Variants in SRGAP3 observed in about 807,000 individuals in gnomAD.
The protein encoded by SRGAP3 is SLIT-ROBO Rho GTPase activating protein 3, also known as SLIT-ROBO Rho GTPase-activating protein 3.
SRGAP3 carries 39 observed loss-of-function variants against 121.1 expected under a neutral mutation model. The observed-to-expected ratio is 0.32, with a 90% CI of 0.25 to 0.42. The LOEUF is 0.42. Among genes scored for constraint, SRGAP3 ranks in the 10% least tolerant of loss-of-function variants. The probability of loss-of-function intolerance (pLI) is 1.00; values close to 1 mark genes in which losing one functional copy is unlikely to be tolerated. For missense variants in SRGAP3, 1,213 were observed against 1,470.6 expected (o/e 0.82, Z 2.86); for synonymous variants, 601 against 570.0 (o/e 1.05, Z -0.77).
chr3:9,160,856 T>A (rs541531295), intron 1 of SRGAP3, among the ~76,000 whole-genome samples: 1 of 152,230 alleles, frequency 6.6e-6, no homozygotes, highest in Admixed American at 6.5e-5. Flanking sequence ...ATTTTAAAAT[T>A]TAGAAAAATA....
rs138044468 is a variant in SRGAP3, at chr3:9,027,029, C to T, written c.1540-34G>A. The T allele has an allele frequency of 4.6e-4, 743 of 1,600,004 alleles. 5 individuals carry two copies. The African/African-American group carries it at 7.9e-3, about 17-fold the overall frequency. On this transcript the variant is annotated intron_variant, in intron 12 of 21. Transcript: ENST00000383836. ...AAGAAAAATTGTGAGTTTTATGGGGCTTGACAACCACCACAGGAAAAAGAC... is the reference window on the plus strand; with the variant it reads ...AAGAAAAATTGTGAGTTTTATGGGGTTTGACAACCACCACAGGAAAAAGAC...
chr3:9,265,494 C>T (rs771606785), intron 3 of SRGAP3, among the ~76,000 whole-genome samples: 1 of 151,998 alleles, frequency 6.6e-6, no homozygotes, highest in Non-Finnish European at 1.5e-5. Flanking sequence ...GGGCTAATAT[C>T]CAGAATCTAC....
chr3:9,347,347 G>A lies in SRGAP3; in HGVS notation n.214+15493C>T, dbSNP rs568624642. 5.3e-5 allele frequency among the ~76,000 whole-genome samples: 8 copies of A among 152,302 alleles called. No individual in the cohort carries two copies. In the East Asian group the frequency reaches 5.8e-4, roughly 11 times the overall value. On this transcript the variant is annotated intron_variant and non_coding_transcript_variant, in intron 1 of 3. Coordinates refer to the SRGAP3 transcript ENST00000490889. ...GGCTGGTGAGTAGGCATACATCTAT[G>A]TATAATTTTTTAAATGATAATTTTT...
intron 1 of SRGAP3, among the ~76,000 whole-genome samples, chr3:9,204,290 GAC>G (rs1043777119): frequency 1.4e-4 from 22 of 152,238 alleles, no homozygotes; most frequent in Non-Finnish European, 2.6e-4. Context: ...TCAGGGCCTG[GAC>G]ACACAGCCCT....
At chr3:9,320,199 C>T (rs73811468) in intron 3 of SRGAP3, among the ~76,000 whole-genome samples, 8,183 of 151,896 alleles carry the variant, frequency 0.054, 745 homozygotes, top group African/African-American at 0.18. Flanking sequence ...CATGTCCATC[C>T]GGACCATCTC....
rs141910300 is a variant in SRGAP3 at position 9,274,349 on chromosome 3, C to A, written n.442+51661G>T. Among the ~76,000 whole-genome samples, 832 of 152,366 alleles carry A rather than the reference C, an allele frequency of 5.5e-3. 7 individuals are homozygous for A. Among genetic ancestry groups the A allele is most frequent in the African/African-American group, 0.019 (787 of 41,584 alleles). On this transcript the variant is annotated intron_variant and non_coding_transcript_variant, in intron 3 of 3. Transcript: ENST00000490889. ...GTGGAACTAGCCAGCTGCTTCAGCA[C>A]TGACAGGAGTGAATTCCACTCACTC...
intron 2 of SRGAP3, among the ~76,000 whole-genome samples, chr3:9,110,463 G>C (rs1182973399): frequency 6.6e-6 from 1 of 152,256 alleles, no homozygotes; most frequent in Non-Finnish European, 1.5e-5. Flanking sequence ...TACAAATGCT[G>C]TGGCCACATG....
At chr3:9,164,522 T>A (rs1250389123) in intron 1 of SRGAP3, among the ~76,000 whole-genome samples, 2 of 152,000 alleles carry the variant, frequency 1.3e-5, no homozygotes, top group Non-Finnish European at 2.9e-5. Flanking sequence ...ACTCCTGACC[T>A]CAAGTGATCT....
chr3:9,015,760 T>C, intron 14 of SRGAP3, 29 bp from the exon 15 acceptor site: 7 of 1,613,814 alleles, frequency 4.3e-6, no homozygotes, highest in Non-Finnish European at 5.9e-6. Context: ...CGAGATGATA[T>C]TTCAGCTTGG....
chr3:9,304,290 A>C (rs557350051), intron 3 of SRGAP3, among the ~76,000 whole-genome samples: 1 of 152,152 alleles, frequency 6.6e-6, no homozygotes, highest in Non-Finnish European at 1.5e-5. Context: ...CTTCATGCCC[A>C]CTTGCCCTCC....
intron 2 of SRGAP3, among the ~76,000 whole-genome samples, chr3:9,327,226 T>C (rs1026545457): frequency 1.3e-5 from 2 of 151,866 alleles, no homozygotes; most frequent in African/African-American, 4.8e-5. Flanking sequence ...TAGAACAATG[T>C]TCTAAGAAAA....
intron 2 of SRGAP3, among the ~76,000 whole-genome samples, chr3:9,328,726 G>A (rs190254598): frequency 6.6e-6 from 1 of 152,296 alleles, no homozygotes; most frequent in Admixed American, 6.5e-5. Flanking sequence ...TTCCCAACCA[G>A]GGACTCCAAC....
intron 18 of SRGAP3, among the ~76,000 whole-genome samples, chr3:9,001,008 G>A (rs1942726020): frequency 6.6e-6 from 1 of 152,118 alleles, no homozygotes; most frequent in Admixed American, 6.5e-5. Context: ...AGATGTATAT[G>A]GTAAACCTTA....
intron 10 of SRGAP3, among the ~76,000 whole-genome samples, chr3:9,044,341 T>C (rs1381397885): frequency 6.6e-6 from 1 of 152,240 alleles, no homozygotes; most frequent in Non-Finnish European, 1.5e-5. Flanking sequence ...AGCTACTAAG[T>C]GGCCAGTGGG....
intron 12 of SRGAP3, among the ~76,000 whole-genome samples, chr3:9,027,628 T>C (rs992171168): frequency 2.0e-5 from 3 of 152,168 alleles, no homozygotes; most frequent in Non-Finnish European, 2.9e-5. Flanking sequence ...AACCTTACTC[T>C]AAAAGGCTGA....
At chr3:9,241,464 A>T (rs763836208) in intron 1 of SRGAP3, among the ~76,000 whole-genome samples, 41 of 152,196 alleles carry the variant, frequency 2.7e-4, no homozygotes, top group Non-Finnish European at 5.6e-4. Flanking sequence ...TCCCTAGACC[A>T]CACCCCACTG....
Position 8,984,852 on chromosome 3 carries a change from A to T in SRGAP3, c.*667T>A, listed in dbSNP as rs1941594449. 2 of 229,638 alleles carry T rather than the reference A, an allele frequency of 8.7e-6. No homozygotes were observed. The highest frequency in any genetic ancestry group is 1.7e-5 in the Non-Finnish European group (2 of 115,634). 14.2% of individuals were successfully genotyped at this position (229,638 alleles called of 1,614,324 possible). On this transcript the variant is annotated 3_prime_UTR_variant, in exon 22 of 22. Coordinates refer to ENST00000383836, the MANE Select transcript of SRGAP3 (RefSeq NM_014850.4). ...CTGGAAGGCCACGACTTCTGGAGACAGTGGGAGTCTGTTTTTGTTTGTGTT... is the reference window on the plus strand; with the variant it reads ...CTGGAAGGCCACGACTTCTGGAGACTGTGGGAGTCTGTTTTTGTTTGTGTT...
At chr3:9,003,682 G>A (rs1039990845) in intron 18 of SRGAP3, among the ~76,000 whole-genome samples, 9 of 152,132 alleles carry the variant, frequency 5.9e-5, no homozygotes, top group African/African-American at 1.7e-4. Flanking sequence ...TGAAGAAAAA[G>A]CACTGACAAA....
chr3:9,174,614 C>G (rs1042050766), intron 1 of SRGAP3, among the ~76,000 whole-genome samples: 5 of 152,202 alleles, frequency 3.3e-5, no homozygotes, highest in African/African-American at 1.2e-4. Context: ...CCAGCAAAGA[C>G]GCACAGGCGG....
Sources: allele counts gnomAD v4.1 joint callset (sites outside exome capture counted in the v4.1 genomes callset), GRCh38; gene constraint gnomAD v4.1.1; transcripts MANE v1.5; gene names NCBI Gene and HGNC (gene_info 2026-07-23, HGNC 2026-07-21).